PRMT2: variants seen among roughly 807,000 people sequenced by gnomAD.
The protein encoded by PRMT2 is protein arginine methyltransferase 2, also known as protein arginine N-methyltransferase 2.
A neutral mutation model predicts 57.6 loss-of-function variants in PRMT2; 26 were observed. The observed-to-expected ratio is 0.45, with a 90% CI of 0.33 to 0.63. PRMT2 has a LOEUF of 0.63. Among genes scored for constraint, PRMT2 ranks in the 20% least tolerant of loss-of-function variants. PRMT2 has a pLI of 0.02. For missense variants in PRMT2, 472 were observed against 564.4 expected (o/e 0.84, Z 1.66); for synonymous variants, 219 against 220.0 (o/e 1.00, Z 0.04).
At position 46,648,423 on chromosome 21, in the gene PRMT2, C is replaced by A; in HGVS notation, c.328-35C>A. 1.2e-6 allele frequency: 2 copies of A among 1,609,370 alleles called. No individual in the cohort carries two copies. The highest frequency in any genetic ancestry group is 2.2e-5 in the South Asian group (2 of 90,380). ...TCCAGACCTCAGCATGGCTCTAGGTCACAGGCAGTGATTCTGAATGTGCAT... is the reference window on the plus strand; with the variant it reads ...TCCAGACCTCAGCATGGCTCTAGGTAACAGGCAGTGATTCTGAATGTGCAT... On this transcript the variant is annotated intron_variant, in intron 5 of 11. Transcript: ENST00000355680. The surrounding 1 kb of genome is among the most constrained non-coding windows in gnomAD (Gnocchi z 4.8).
At chr21:46,654,411 A>G (rs2061510340) in intron 7 of PRMT2, among the ~76,000 whole-genome samples, 1 of 152,216 alleles carries the variant, frequency 6.6e-6, no homozygotes, top group Non-Finnish European at 1.5e-5. Context: ...TCAGTTCCAG[A>G]TAAGATGGAG....
At chr21:46,654,174 T>C in intron 7 of PRMT2, 1 of 975,888 alleles carries the variant, frequency 1.0e-6, no homozygotes, top group Non-Finnish European at 1.2e-6. Context: ...TGTACAGAAA[T>C]TTATGTTAAA....
chr21:46,663,737 C>T lies in PRMT2; in HGVS notation c.1269+183C>T, dbSNP rs562143235. On this transcript the variant is annotated intron_variant, in intron 11 of 11. Transcript: ENST00000355680. ...TGGCTTCATTTCCCATCTGACAGCACGGGAAGTGGAGGGCTCTGGAAGGGA... is the reference window on the plus strand; with the variant it reads ...TGGCTTCATTTCCCATCTGACAGCATGGGAAGTGGAGGGCTCTGGAAGGGA... 2.6e-5 allele frequency among the ~76,000 whole-genome samples: 4 copies of T among 151,826 alleles called. No homozygotes were observed. The East Asian group carries it at 7.7e-4, about 29-fold the overall frequency.
At chr21:46,655,589 C>T (rs896588015) in intron 7 of PRMT2, among the ~76,000 whole-genome samples, 5 of 152,070 alleles carry the variant, frequency 3.3e-5, no homozygotes, top group African/African-American at 7.2e-5. Flanking sequence ...ACAGAAAATC[C>T]TAAGGAGTCT....
intron 4 of PRMT2, among the ~76,000 whole-genome samples, chr21:46,643,859 G>T (rs1377981000): frequency 6.6e-6 from 1 of 152,216 alleles, no homozygotes; most frequent in East Asian, 1.9e-4. Flanking sequence ...AGGGGCAGAA[G>T]CACCTGTTCT....
intron 11 of PRMT2, 47 bp from the exon 12 acceptor site, chr21:46,664,244 TAATC>T: frequency 7.0e-7 from 1 of 1,420,890 alleles, no homozygotes; most frequent in East Asian, 2.3e-5. Flanking sequence ...TGTAGTATGT[TAATC>T]AAATGATTTA....
intron 7 of PRMT2, chr21:46,653,500 C>T: frequency 1.0e-6 from 1 of 981,424 alleles, no homozygotes; most frequent in Non-Finnish European, 1.2e-6. Flanking sequence ...CGGGCACTTT[C>T]AGTTTGTGGC....
chr21:46,650,228 C>T (rs1215517170), intron 7 of PRMT2, among the ~76,000 whole-genome samples: 1 of 152,104 alleles, frequency 6.6e-6, no homozygotes, highest in African/African-American at 2.4e-5. Flanking sequence ...GTGAATATGC[C>T]CTGCACAAAC....
At chr21:46,638,532 T>C (rs2061215092) in intron 3 of PRMT2, among the ~76,000 whole-genome samples, 1 of 152,246 alleles carries the variant, frequency 6.6e-6, no homozygotes, top group African/African-American at 2.4e-5. Flanking sequence ...TCAGTTTTAC[T>C]GGATAATGAT....
chr21:46,657,362 T>G (rs2061555965), intron 7 of PRMT2: 1 of 139,820 alleles, frequency 7.2e-6, no homozygotes, highest in Non-Finnish European at 1.5e-5. Flanking sequence ...TTATACTAGC[T>G]CTCTTTATAA....
chr21:46,655,840 C>T (rs545806898), intron 7 of PRMT2, among the ~76,000 whole-genome samples: 37 of 152,262 alleles, frequency 2.4e-4, no homozygotes, highest in African/African-American at 8.7e-4. Context: ...TAAGAAGGCT[C>T]AACCTAGTAA....
intron 8 of PRMT2, chr21:46,659,644 A>C: frequency 2.0e-6 from 2 of 985,460 alleles, no homozygotes; most frequent in Non-Finnish European, 2.4e-6. Context: ...TTAAAATAGT[A>C]GCCCAGGCTT....
chr21:46,661,951 C>G lies in PRMT2; in HGVS notation c.1097+15C>G. 1 of 644,690 alleles carries G rather than the reference C, an allele frequency of 1.6e-6. No homozygotes were observed. The highest frequency in any genetic ancestry group is 2.0e-6 in the Non-Finnish European group (1 of 497,598). The allele number at this position is 644,690 out of a possible 1,614,324, so 39.9% of individuals were successfully genotyped here. On this transcript the variant is annotated intron_variant, in intron 10 of 11. Transcript: ENST00000355680. ...CCCTTCCACCCGTGAGTGTGCGGGGCGCGGGCACGGGGTGCGGGGTGGGGG... is the reference window on the plus strand; with the variant it reads ...CCCTTCCACCCGTGAGTGTGCGGGGGGCGGGCACGGGGTGCGGGGTGGGGG...
At chr21:46,653,796 A>G (rs752785386) in intron 7 of PRMT2, 1 of 1,083,298 alleles carries the variant, frequency 9.2e-7, no homozygotes, top group Non-Finnish European at 1.1e-6. Flanking sequence ...CATCTTTTTC[A>G]GGAAACATTG....
rs991385103 is a variant in PRMT2, at chr21:46,665,122, A to T, written c.*795A>T. The T allele has an allele frequency of 1.9e-4, 29 of 152,120 alleles. No homozygotes were observed. Among genetic ancestry groups the T allele is most frequent in the African/African-American group, 7.0e-4 (29 of 41,422 alleles). 9.4% of individuals were successfully genotyped at this position (152,120 alleles called of 1,614,324 possible). A position where few individuals can be genotyped will look rare whatever the true frequency, so the allele number is the denominator to read the frequency against. The stretch of plus-strand genomic sequence containing the variant: ...GATTTTTATTAAATTTTATTGAAAT[A>T]TAGGCTGGGTGCAGTGGCTTACCTC... On this transcript the variant is annotated 3_prime_UTR_variant, in exon 12 of 12. Transcript: ENST00000355680.
chr21:46,638,133 T>G (rs535744123), intron 3 of PRMT2, among the ~76,000 whole-genome samples: 1 of 152,172 alleles, frequency 6.6e-6, no homozygotes, highest in Admixed American at 6.5e-5. Flanking sequence ...GAATGACATA[T>G]GATATTGTTT....
chr21:46,660,500 G>T (rs990841204), intron 8 of PRMT2, among the ~76,000 whole-genome samples: 2 of 152,210 alleles, frequency 1.3e-5, no homozygotes, highest in African/African-American at 4.8e-5. Context: ...TTGTCCTCTG[G>T]GTTATGAGGG....
chr21:46,653,915 G>A (rs2061500184), intron 7 of PRMT2: 2 of 1,008,112 alleles, frequency 2.0e-6, no homozygotes, highest in African/African-American at 3.5e-5. Context: ...GACAAAAAAT[G>A]ACAGCCTTTT....
At chr21:46,641,123 C>A (rs77040659) in intron 3 of PRMT2, among the ~76,000 whole-genome samples, 1,896 of 104,316 alleles carry the variant, frequency 0.018, no homozygotes, top group Middle Eastern at 0.033. Context: ...GACCTCATCT[C>A]AAAAAAAAAA....
Sources: allele counts gnomAD v4.1 joint callset (sites outside exome capture counted in the v4.1 genomes callset), GRCh38; gene constraint gnomAD v4.1.1; non-coding constraint Gnocchi (gnomAD v3.1); transcripts MANE v1.5; gene names NCBI Gene and HGNC (gene_info 2026-07-23, HGNC 2026-07-21).